The following HMGA2 variants were observed in gnomAD, a reference collection of about 807,000 sequenced individuals.
HMGA2 encodes high mobility group AT-hook 2.
Under a neutral mutation model 19.1 loss-of-function variants are expected in HMGA2, and 8 were observed. The observed-to-expected ratio is 0.42, with a 90% CI of 0.25 to 0.76. The LOEUF (loss-of-function observed/expected upper bound fraction) is 0.76, where lower values mean the gene tolerates loss of function less well. Among genes scored for constraint, HMGA2 ranks in the 30% least tolerant of loss-of-function variants. The pLI, the probability that HMGA2 is intolerant of heterozygous loss-of-function variation, is 0.28. For missense variants in HMGA2, 109 were observed against 136.3 expected (o/e 0.80, Z 1.00); for synonymous variants, 60 against 48.8 (o/e 1.23, Z -0.96).
Position 65,861,364 on chromosome 12 carries a change from TCAAAACAAAA to T in HMGA2, c.249+22816_249+22825del, listed in dbSNP as rs149375057. Among the ~76,000 whole-genome samples the T allele has an allele frequency of 8.3e-3, 1,269 of 152,068 alleles. 6 individuals carry two copies. Among genetic ancestry groups the T allele is most frequent in the Non-Finnish European group, 0.012 (840 of 67,958 alleles). On this transcript the variant is annotated intron_variant, in intron 3 of 4. Transcript: ENST00000403681. ...CCTGGCGACAGAGCAAGACTCCGTC[TCAAAACAAAA>T]CAAAACAAAACAAAACAAAAAAAGG...
chr12:65,924,861 C>T (rs1191238235), intron 3 of HMGA2, among the ~76,000 whole-genome samples: 1 of 152,164 alleles, frequency 6.6e-6, no homozygotes, highest in African/African-American at 2.4e-5. Context: ...AACTCTCTCC[C>T]AGCCTTTCAG....
chr12:65,874,443 C>T (rs932320025), intron 3 of HMGA2, among the ~76,000 whole-genome samples: 4 of 152,120 alleles, frequency 2.6e-5, no homozygotes, highest in African/African-American at 7.2e-5. Flanking sequence ...TCAGTGGTAA[C>T]GAATTACGCT....
At chr12:65,952,462 G>A (rs529396138) in intron 4 of HMGA2, 3 of 1,531,482 alleles carry the variant, frequency 2.0e-6, no homozygotes, top group Admixed American at 2.0e-5. Flanking sequence ...CACATGAAAG[G>A]ATCCAAGGAA....
intron 3 of HMGA2, among the ~76,000 whole-genome samples, chr12:65,947,005 T>C (rs1041932525): frequency 2.6e-5 from 4 of 152,174 alleles, no homozygotes; most frequent in Non-Finnish European, 4.4e-5. Context: ...GTGGCTGAGC[T>C]AGTCCATTCT....
chr12:65,872,613 A>G (rs7967476), intron 3 of HMGA2, among the ~76,000 whole-genome samples: 17,804 of 152,062 alleles, frequency 0.12, 1,775 homozygotes, highest in South Asian at 0.25. Context: ...GCCTGGAGCT[A>G]TATGTTTTGA....
intron 3 of HMGA2, 27 bp downstream of exon 3, chr12:65,838,596 CTT>C: frequency 1.3e-6 from 2 of 1,549,390 alleles, no homozygotes; most frequent in Admixed American, 1.7e-5. Flanking sequence ...AATTTTTCTT[CTT>C]TTTTTTAAAG....
intron 4 of HMGA2, chr12:65,952,452 C>A: frequency 6.5e-7 from 1 of 1,532,982 alleles, no homozygotes; most frequent in Non-Finnish European, 8.7e-7. Flanking sequence ...AACTTCCAAA[C>A]ACATGAAAGG....
At chr12:65,888,081 A>G (rs569926118) in intron 3 of HMGA2, among the ~76,000 whole-genome samples, 1 of 152,238 alleles carries the variant, frequency 6.6e-6, no homozygotes, top group Non-Finnish European at 1.5e-5. Flanking sequence ...TCCTGAGGTT[A>G]TGAATCCCCT....
At chr12:65,961,711 G>A (rs988444636) in intron 4 of HMGA2, among the ~76,000 whole-genome samples, 1 of 152,094 alleles carries the variant, frequency 6.6e-6, no homozygotes, top group Non-Finnish European at 1.5e-5. Context: ...GAAGTATGCA[G>A]TGGCCTGTGA....
rs147338979 is a variant in HMGA2 at position 65,935,351 on chromosome 12, C to G, written c.250-16032C>G. Among the ~76,000 whole-genome samples, 89 of 152,218 alleles carry G rather than the reference C, an allele frequency of 5.8e-4. No individual in the cohort carries two copies. In the East Asian group the frequency reaches 0.013, roughly 21 times the overall value. ...ATTAGATGGCTGCTTAACATTTGCT[C>G]GAGAATAATCTATTAGTCATCTAAG... On this transcript the variant is annotated intron_variant, in intron 3 of 4. Coordinates refer to ENST00000403681, the MANE Select transcript of HMGA2 (RefSeq NM_003483.6).
At chr12:65,851,659 C>G (rs1481510116) in intron 3 of HMGA2, 3 of 444,124 alleles carry the variant, frequency 6.8e-6, no homozygotes, top group Non-Finnish European at 1.4e-5. Context: ...GACTCTGTCT[C>G]AAAACAACAA....
intron 3 of HMGA2, among the ~76,000 whole-genome samples, chr12:65,906,748 T>C (rs914020005): frequency 1.3e-5 from 2 of 152,182 alleles, no homozygotes; most frequent in African/African-American, 4.8e-5. Context: ...AGGTTAAAAA[T>C]AACAAATTAT....
chr12:65,896,236 C>T (rs967639401), intron 3 of HMGA2, among the ~76,000 whole-genome samples: 1 of 152,146 alleles, frequency 6.6e-6, no homozygotes, highest in African/African-American at 2.4e-5. Flanking sequence ...TTTATTTGCT[C>T]CAGAATACCG....
intron 2 of HMGA2, among the ~76,000 whole-genome samples, chr12:65,837,395 G>C (rs1183830099): frequency 2.0e-5 from 3 of 152,154 alleles, no homozygotes; most frequent in Non-Finnish European, 2.9e-5. Flanking sequence ...AAGAGAAAAA[G>C]AGGAAAGTTT....
intron 3 of HMGA2, among the ~76,000 whole-genome samples, chr12:65,840,137 A>G (rs1870932172): frequency 6.6e-6 from 1 of 152,192 alleles, no homozygotes; most frequent in Non-Finnish European, 1.5e-5. Flanking sequence ...ATCATATTTC[A>G]AGTGTGGGTT....
At chr12:65,930,668 A>G (rs1426700077) in intron 3 of HMGA2, among the ~76,000 whole-genome samples, 1 of 152,208 alleles carries the variant, frequency 6.6e-6, no homozygotes, top group Non-Finnish European at 1.5e-5. Flanking sequence ...TGGAAATGCA[A>G]ATTTCCTGTG....
rs551830526 is a variant in HMGA2, at chr12:65,827,208, C to T, written c.112-793C>T. On this transcript the variant is annotated intron_variant, in intron 1 of 4. Coordinates refer to ENST00000403681, the MANE Select transcript of HMGA2 (RefSeq NM_003483.6). ...CATTCCCAGACACTCCATTCCTCCT[C>T]GCTTTTACCTCCTTTTAGTTTTCTC... 4.8e-4 allele frequency among the ~76,000 whole-genome samples: 73 copies of T among 152,332 alleles called. 1 individual carries two copies. The highest frequency in any genetic ancestry group is 1.7e-3 in the African/African-American group (69 of 41,576).
intron 2 of HMGA2, among the ~76,000 whole-genome samples, chr12:65,832,120 C>T (rs553561277): frequency 5.6e-4 from 85 of 151,976 alleles, no homozygotes; most frequent in African/African-American, 2.0e-3. Context: ...TAAGTAAAGT[C>T]CAACTGTTGT....
intron 3 of HMGA2, among the ~76,000 whole-genome samples, chr12:65,897,582 C>T (rs1019274486): frequency 6.6e-6 from 1 of 152,142 alleles, no homozygotes; most frequent in Non-Finnish European, 1.5e-5. Flanking sequence ...AGTGAGCAAG[C>T]ATGCAGAGCA....
Sources: gnomAD v4.1 joint callset for allele counts (sites outside exome capture counted in the v4.1 genomes callset) on GRCh38, gnomAD v4.1.1 for gene constraint, MANE v1.5 for transcripts, NCBI Gene and HGNC (gene_info 2026-07-23, HGNC 2026-07-21) for gene names.